The following RPS6KA3 variants were observed in gnomAD, a reference collection of about 807,000 sequenced individuals.
RPS6KA3 encodes the protein ribosomal protein S6 kinase alpha-3.
Under a neutral mutation model 67.2 loss-of-function variants are expected in RPS6KA3, and 4 were observed. The observed-to-expected ratio is 0.06, with a 90% CI of 0.03 to 0.14. RPS6KA3 has a LOEUF of 0.14. Among genes scored for constraint, RPS6KA3 ranks in the 10% least tolerant of loss-of-function variants. The probability of loss-of-function intolerance (pLI) is 1.00; values close to 1 mark genes in which losing one functional copy is unlikely to be tolerated. For missense variants in RPS6KA3, 204 were observed against 559.0 expected, an observed-to-expected ratio of 0.36 and a Z score of 6.40; for synonymous variants, 182 against 183.7, an observed-to-expected ratio of 0.99 and a Z score of 0.07.
intron 2 of RPS6KA3, among the ~76,000 whole-genome samples, chrX:20,230,127 C>T (rs1041929738): frequency 8.9e-6 from 1 of 112,492 alleles, no homozygotes; most frequent in Non-Finnish European, 1.9e-5. Flanking sequence ...GGCCCCATGC[C>T]TGGGTCCCTA....
intron 3 of RPS6KA3, among the ~76,000 whole-genome samples, chrX:20,204,436 T>A (rs2068522528): frequency 8.9e-6 from 1 of 112,296 alleles, no homozygotes; most frequent in South Asian, 3.7e-4. Context: ...ACACAGGTGG[T>A]ATGATGTCCT....
At chrX:20,200,680 AT>A (rs1390610966) in intron 4 of RPS6KA3, among the ~76,000 whole-genome samples, 2 of 110,680 alleles carry the variant, frequency 1.8e-5, no homozygotes, top group Non-Finnish European at 3.8e-5. Context: ...ACGTTTCTCT[AT>A]TTTTCCTTAT....
intron 4 of RPS6KA3, among the ~76,000 whole-genome samples, chrX:20,197,418 G>C (rs1453496330): frequency 8.9e-6 from 1 of 112,082 alleles, no homozygotes; most frequent in Admixed American, 9.4e-5. Context: ...ACAATGAAAA[G>C]AACAATTATT....
chrX:20,205,751 T>A (rs901308461), intron 3 of RPS6KA3, among the ~76,000 whole-genome samples: 1 of 112,260 alleles, frequency 8.9e-6, no homozygotes, highest in African/African-American at 3.2e-5. Flanking sequence ...GTAGAGATAA[T>A]TAGGATTTAT....
At chrX:20,201,602 G>C (rs746133825) in intron 4 of RPS6KA3, among the ~76,000 whole-genome samples, 2 of 110,932 alleles carry the variant, frequency 1.8e-5, no homozygotes, top group Non-Finnish European at 3.8e-5. Context: ...AAGTTTATTA[G>C]TTGGAATTAT....
At chrX:20,158,387 A>AAGAG (rs60488991) in intron 20 of RPS6KA3, among the ~76,000 whole-genome samples, 1,062 of 97,264 alleles carry the variant, frequency 0.011, 35 homozygotes, top group African/African-American at 0.042. Flanking sequence ...AAAAAAAAAA[A>AAGAG]AGAGAGAGAG....
At chrX:20,225,327 C>T (rs2069093785) in intron 2 of RPS6KA3, among the ~76,000 whole-genome samples, 1 of 98,384 alleles carries the variant, frequency 1.0e-5, no homozygotes, top group Non-Finnish European at 2.0e-5. Flanking sequence ...CCCTGAAAGA[C>T]AGCCAAAAAT....
intron 14 of RPS6KA3, 138 bp from the exon 15 acceptor site, chrX:20,173,009 T>C: frequency 2.0e-6 from 1 of 503,218 alleles, no homozygotes; most frequent in South Asian, 3.6e-5. Flanking sequence ...TTTATAGTAC[T>C]TATTATTCTA....
intron 2 of RPS6KA3, among the ~76,000 whole-genome samples, chrX:20,229,919 G>C (rs1367652385): frequency 1.8e-5 from 2 of 112,146 alleles, no homozygotes; most frequent in African/African-American, 6.5e-5. Context: ...CTAAAGCCAT[G>C]AGTAGGAGAA....
chrX:20,262,103 A>T (rs901240013), intron 1 of RPS6KA3, among the ~76,000 whole-genome samples: 1 of 111,600 alleles, frequency 9.0e-6, no homozygotes, highest in African/African-American at 3.3e-5. Flanking sequence ...CATTCATTAT[A>T]ATCTGAACCG....
intron 19 of RPS6KA3, among the ~76,000 whole-genome samples, 183 bp downstream of exon 19, chrX:20,162,781 G>C (rs1233914916): frequency 1.8e-5 from 2 of 111,206 alleles, no homozygotes; most frequent in Admixed American, 9.6e-5. Flanking sequence ...CAGGAGTTTG[G>C]GGCTATAGTG....
At chrX:20,237,510 G>C (rs2069444655) in intron 1 of RPS6KA3, among the ~76,000 whole-genome samples, 1 of 111,668 alleles carries the variant, frequency 9.0e-6, no homozygotes. Context: ...CGCAGACCAA[G>C]GATAGAGCCC....
At chrX:20,211,415 T>C (rs1345705001) in intron 2 of RPS6KA3, among the ~76,000 whole-genome samples, 1 of 110,806 alleles carries the variant, frequency 9.0e-6, no homozygotes, top group East Asian at 2.8e-4. Context: ...CCCTTACCAT[T>C]ACACCACACT....
chrX:20,160,720 C>T (rs2067286144), intron 20 of RPS6KA3, among the ~76,000 whole-genome samples: 2 of 111,907 alleles, frequency 1.8e-5, no homozygotes, highest in South Asian at 3.7e-4. Flanking sequence ...TGAGCCACCA[C>T]GCCCGGCCAA....
At chrX:20,235,674 AG>A (rs1569259686) in intron 1 of RPS6KA3, among the ~76,000 whole-genome samples, 1 of 111,737 alleles carries the variant, frequency 8.9e-6, no homozygotes, top group East Asian at 2.8e-4. Flanking sequence ...AGTATTAACG[AG>A]GGTACGGGGG....
intron 1 of RPS6KA3, among the ~76,000 whole-genome samples, chrX:20,255,787 CTCAAAAAAAAAAAAAAAAAAAAA>C (rs2070031371): frequency 8.1e-5 from 1 of 12,321 alleles, no homozygotes; most frequent in Admixed American, 1.6e-3. Context: ...AAAATTTCGT[CTCAAAAAAAAAAAAAAAAAAAAA>C]AAAAAAAAAG....
chrX:20,192,377 G>A (rs2068154553), intron 7 of RPS6KA3, among the ~76,000 whole-genome samples: 1 of 106,176 alleles, frequency 9.4e-6, no homozygotes. Context: ...CATCCCTCCT[G>A]CCAAAAAATT....
intron 1 of RPS6KA3, among the ~76,000 whole-genome samples, chrX:20,247,651 G>A (rs2069730238): frequency 9.1e-6 from 1 of 110,031 alleles, no homozygotes; most frequent in Admixed American, 9.6e-5. Flanking sequence ...GCCAGGCGTG[G>A]CAGTGGGTGC....
chrX:20,176,519 G>A (rs377765928), intron 11 of RPS6KA3, 21 bp from the exon 12 acceptor site: 84 of 1,089,988 alleles, frequency 7.7e-5, no homozygotes, highest in Non-Finnish European at 1.0e-4. Flanking sequence ...TGGATTCACT[G>A]ATAATTTTAT....
Sources: allele counts gnomAD v4.1 joint callset (sites outside exome capture counted in the v4.1 genomes callset), GRCh38; gene constraint gnomAD v4.1.1; transcripts MANE v1.5; gene names NCBI Gene and HGNC (gene_info 2026-07-23, HGNC 2026-07-21).